CELF1: variants seen among roughly 807,000 people sequenced by gnomAD.
CELF1 encodes the protein 50 kDa nuclear polyadenylated RNA-binding protein.
Under a neutral mutation model 61.8 loss-of-function variants are expected in CELF1, and 10 were observed. That is an observed-to-expected ratio of 0.16 (90% CI 0.10 to 0.27). CELF1 has a LOEUF of 0.27. CELF1 is among the 10% of genes least tolerant of loss of function. The pLI, the probability that CELF1 is intolerant of heterozygous loss-of-function variation, is 1.00. For synonymous variants in CELF1, 236 were observed against 225.1 expected (o/e 1.05, Z -0.43); for missense variants, 380 against 639.1 (o/e 0.59, Z 4.37).
In CELF1 at chr11:47,541,686, C is replaced by CG. The variant is rs71042680; in HGVS notation, c.-154+11305_-154+11306insC. Among the ~76,000 whole-genome samples the CG allele has an allele frequency of 8.6e-3, 100 of 11,682 alleles. 2 individuals are homozygous for CG. Among genetic ancestry groups the CG allele is most frequent in the African/African-American group, 0.013 (99 of 7,750 alleles). 7.7% of individuals were successfully genotyped at this position (11,682 alleles called of 152,430 possible). A position where few individuals can be genotyped will look rare whatever the true frequency, so the allele number is the denominator to read the frequency against. ...GAGCCTGGTGACAGGGCGAGACTGT[C>CG]AAAGAAAGAAAGAAAGAAAGAAAGA... On this transcript the variant is annotated intron_variant, in intron 1 of 14. Transcript: ENST00000687097.
chr11:47,494,621 G>T, intron 3 of CELF1: 1 of 355,912 alleles, frequency 2.8e-6, no homozygotes, highest in Non-Finnish European at 3.9e-6. Context: ...CAGCACAAAT[G>T]TTCTATTCCA....
At chr11:47,472,416 C>T in intron 14 of CELF1, 59 bp from the exon 15 acceptor site, 1 of 1,576,712 alleles carries the variant, frequency 6.3e-7, no homozygotes, top group East Asian at 2.3e-5. Context: ...GATTCTCAGT[C>T]CTCCTTATGC....
chr11:47,552,874 C>T lies in CELF1; in HGVS notation c.-154+118G>A, dbSNP rs185435995. On this transcript the variant is annotated intron_variant, in intron 1 of 14. Transcript: ENST00000687097. ...CGCAGGGAACGAGAAAAGGCCGCGC[C>T]CGGAGGGCCCTGTGACCCGCGGCCT... 1,672 of 395,646 alleles carry T rather than the reference C, an allele frequency of 4.2e-3. 5 individuals are homozygous for T. The highest frequency in any genetic ancestry group is 5.3e-3 in the Non-Finnish European group (1,195 of 224,570). 24.5% of individuals were successfully genotyped at this position (395,646 alleles called of 1,614,324 possible).
intron 1 of CELF1, among the ~76,000 whole-genome samples, chr11:47,533,630 A>AC (rs1316440131): frequency 3.6e-5 from 4 of 110,720 alleles, no homozygotes; most frequent in African/African-American, 1.6e-4. Context: ...TTCAAAAAAT[A>AC]AATAAATACA....
chr11:47,481,666 T>G (rs2083337174), intron 9 of CELF1, among the ~76,000 whole-genome samples: 1 of 152,192 alleles, frequency 6.6e-6, no homozygotes, highest in African/African-American at 2.4e-5. Flanking sequence ...CCTCTTTGAC[T>G]CACAAATGGG....
At chr11:47,552,713 G>A (rs1048526237) in intron 1 of CELF1, among the ~76,000 whole-genome samples, 4 of 152,220 alleles carry the variant, frequency 2.6e-5, no homozygotes, top group East Asian at 3.9e-4. Flanking sequence ...GAAGGTAAAG[G>A]GCGCGGGGAG....
rs1352080104 is a variant in CELF1 at position 47,488,907 on chromosome 11, G to A, written c.189C>T (p.Phe63=). 1.9e-6 allele frequency: 3 copies of A among 1,612,778 alleles called. No individual in the cohort carries two copies. The highest frequency in any genetic ancestry group is 1.7e-6 in the Non-Finnish European group (2 of 1,179,656). Residue 63 remains phenylalanine (F), a synonymous_variant, in exon 4 of 15, where the codon TTC becomes TTT. Transcript: ENST00000687097. ...TWSEKDLREL[F]EQYGAVYEIN... is the part of the protein sequence containing the mutation. Reference sequence around the variant, plus strand: ...TTTCATACACAGCACCATACTGTTCGAAGAGTTCCCGCAAGTCCTTTTCAG... The same window carrying A: ...TTTCATACACAGCACCATACTGTTCAAAGAGTTCCCGCAAGTCCTTTTCAG...
At chr11:47,488,778 C>A (rs1010355462) in intron 4 of CELF1, 59 bp downstream of exon 4, 64 of 1,320,562 alleles carry the variant, frequency 4.8e-5, no homozygotes, top group Non-Finnish European at 6.3e-5. Flanking sequence ...ACCCAAAGCC[C>A]TCACCTGCTC....
At chr11:47,484,977 T>C (rs2085794247) in intron 6 of CELF1, among the ~76,000 whole-genome samples, 1 of 152,136 alleles carries the variant, frequency 6.6e-6, no homozygotes, top group Admixed American at 6.6e-5. Context: ...CACGCCCGGC[T>C]TCACGTCTCT....
intron 8 of CELF1, among the ~76,000 whole-genome samples, chr11:47,483,151 C>A (rs941876806): frequency 7.2e-5 from 11 of 151,950 alleles, no homozygotes; most frequent in Non-Finnish European, 1.6e-4. Context: ...GTAGTCCCAG[C>A]TACTTGAGTG....
chr11:47,536,579 T>C (rs1025678503), intron 1 of CELF1, among the ~76,000 whole-genome samples: 1 of 152,008 alleles, frequency 6.6e-6, no homozygotes, highest in Non-Finnish European at 1.5e-5. Context: ...CTAGCCAACA[T>C]GGCGAAAACC....
intron 1 of CELF1, among the ~76,000 whole-genome samples, chr11:47,550,456 G>A (rs943630356): frequency 3.3e-5 from 5 of 152,082 alleles, no homozygotes; most frequent in Admixed American, 6.5e-5. Context: ...GCTTGAGCCC[G>A]GGGGACAGGG....
At chr11:47,547,504 C>T (rs1419833905) in intron 1 of CELF1, among the ~76,000 whole-genome samples, 2 of 151,682 alleles carry the variant, frequency 1.3e-5, no homozygotes, top group African/African-American at 4.8e-5. Context: ...ATGGTGAAAC[C>T]CCATCTCTAC....
At chr11:47,558,572 T>TG (rs2097213822) in intron 2 of CELF1, among the ~76,000 whole-genome samples, 1 of 113,706 alleles carries the variant, frequency 8.8e-6, no homozygotes, top group African/African-American at 3.7e-5. Context: ...ATATAATATA[T>TG]AAATATATAT....
At chr11:47,500,021 T>C (rs2093699872) in intron 2 of CELF1, among the ~76,000 whole-genome samples, 1 of 152,168 alleles carries the variant, frequency 6.6e-6, no homozygotes, top group East Asian at 1.9e-4. Context: ...AACTTACGTT[T>C]CCATGTGCCA....
chr11:47,534,683 G>C (rs1323276253), intron 1 of CELF1, among the ~76,000 whole-genome samples: 1 of 152,070 alleles, frequency 6.6e-6, no homozygotes, highest in Non-Finnish European at 1.5e-5. Flanking sequence ...TGCAGAGATC[G>C]CACCACTGCA....
chr11:47,502,171 T>A lies in CELF1; in HGVS notation c.-153-1239A>T, dbSNP rs374354737. Among the ~76,000 whole-genome samples, 100 of 152,218 alleles carry A rather than the reference T, an allele frequency of 6.6e-4. 1 individual carries two copies. Among genetic ancestry groups the A allele is most frequent in the African/African-American group, 2.4e-3 (98 of 41,544 alleles). ...GCCCAATTTATAAAGCAGTTGAAAA[T>A]AGAAAGCAGGGCCCATAAATTCTCT... On this transcript the variant is annotated intron_variant, in intron 1 of 14. Transcript: ENST00000687097.
chr11:47,467,552 C>T lies in CELF1; in HGVS notation c.*4678G>A, dbSNP rs1244428344. 1 of 152,326 alleles carries T rather than the reference C, an allele frequency of 6.6e-6. No homozygotes were observed. Among genetic ancestry groups the T allele is most frequent in the Non-Finnish European group, 1.5e-5 (1 of 68,142 alleles). 9.4% of individuals were successfully genotyped at this position (152,326 alleles called of 1,614,324 possible). The stretch of plus-strand genomic sequence containing the variant: ...TTGTGCTTGTCACCTAGGAAAAGCG[C>T]CAGCAGGTGAATTGCCGCTTGGTGT... On this transcript the variant is annotated 3_prime_UTR_variant, in exon 15 of 15. Transcript: ENST00000687097.
At chr11:47,482,927 A>T in intron 8 of CELF1, 71 bp from the exon 9 acceptor site, 1 of 1,395,060 alleles carries the variant, frequency 7.2e-7, no homozygotes, top group Non-Finnish European at 9.9e-7. Flanking sequence ...TTCCTTTTGG[A>T]TGACATGCAG....
Sources: gnomAD v4.1 joint callset for allele counts (sites outside exome capture counted in the v4.1 genomes callset) on GRCh38, gnomAD v4.1.1 for gene constraint, MANE v1.5 for transcripts, NCBI Gene and HGNC (gene_info 2026-07-23, HGNC 2026-07-21) for gene names.